The following KAZN variants were observed in gnomAD, a reference collection of about 807,000 sequenced individuals.
The protein encoded by KAZN is kazrin, periplakin interacting protein.
A neutral mutation model predicts 87.4 loss-of-function variants in KAZN; 40 were observed. That is an observed-to-expected ratio of 0.46 (90% confidence interval 0.36 to 0.60). The LOEUF is 0.60. KAZN is among the 20% of genes least tolerant of loss of function. KAZN has a pLI of 0.00. For synonymous variants in KAZN, 466 were observed against 458.3 expected (o/e 1.02, Z -0.22); for missense variants, 898 against 1,073.9 (o/e 0.84, Z 2.29).
chr1:14,199,682 G>A (rs78937074), intron 2 of KAZN, among the ~76,000 whole-genome samples: 1 of 152,190 alleles, frequency 6.6e-6, no homozygotes, highest in African/African-American at 2.4e-5. Context: ...CATTTTACCA[G>A]CATATCAGGA....
At chr1:15,098,177 T>C (rs1573299519) in intron 10 of KAZN, among the ~76,000 whole-genome samples, 2 of 152,288 alleles carry the variant, frequency 1.3e-5, no homozygotes, top group South Asian at 4.1e-4. Flanking sequence ...ACCCAGACAA[T>C]ATCTAAATTT....
chr1:14,269,893 CTCTG>C (rs1231963177), intron 2 of KAZN, among the ~76,000 whole-genome samples: 1 of 152,164 alleles, frequency 6.6e-6, no homozygotes, highest in Non-Finnish European at 1.5e-5. Context: ...TTCATAGTAT[CTCTG>C]TCTGAGTCTG....
At chr1:14,210,400 G>A (rs563003417) in intron 2 of KAZN, among the ~76,000 whole-genome samples, 7 of 152,080 alleles carry the variant, frequency 4.6e-5, no homozygotes, top group East Asian at 3.9e-4. Context: ...ACCCAGTCTC[G>A]GGTATGTCTT....
At chr1:14,403,759 G>GT (rs1449281250) in intron 2 of KAZN, among the ~76,000 whole-genome samples, 2 of 152,192 alleles carry the variant, frequency 1.3e-5, no homozygotes, top group Non-Finnish European at 2.9e-5. Context: ...AAACCTGACA[G>GT]TATCAAGTGT....
Position 14,587,361 on chromosome 1 carries a change from G to T in KAZN, c.250-11622G>T, listed in dbSNP as rs545750673. Among the ~76,000 whole-genome samples the T allele has an allele frequency of 2.9e-4, 44 of 151,750 alleles. No individual in the cohort carries two copies. In the East Asian group the frequency reaches 4.7e-3, roughly 16 times the overall value. ...TGAGGCAGGAAAATTGCTTTAACCC[G>T]GGAGGCAGAGGTTGCAGTGAGCCGA... On this transcript the variant is annotated intron_variant, in intron 2 of 16. Coordinates refer to the KAZN transcript ENST00000636203.
chr1:14,650,362 C>CT (rs1409011234), intron 1 of KAZN, among the ~76,000 whole-genome samples: 1 of 152,126 alleles, frequency 6.6e-6, no homozygotes, highest in African/African-American at 2.4e-5. Flanking sequence ...CAAGACCAGC[C>CT]TGGACAATAT....
chr1:14,553,367 C>T (rs11586235), intron 2 of KAZN, among the ~76,000 whole-genome samples: 150,271 of 152,250 alleles, frequency 0.99, 74,197 homozygotes, highest in Middle Eastern at 1. Context: ...TCAAAAAACA[C>T]ATATATAGAT....
chr1:14,246,496 ATTTT>A (rs1294990439), intron 2 of KAZN, among the ~76,000 whole-genome samples: 1 of 102,450 alleles, frequency 9.8e-6, no homozygotes, highest in Non-Finnish European at 2.6e-5. Flanking sequence ...TAATCTTTTT[ATTTT>A]TTGTTTTGGG....
At chr1:13,909,568 A>G (rs1021708114) in intron 1 of KAZN, among the ~76,000 whole-genome samples, 8 of 152,076 alleles carry the variant, frequency 5.3e-5, no homozygotes, top group Non-Finnish European at 1.2e-4. Context: ...CTGTTCCTAC[A>G]CCCACATTTT....
At chr1:13,977,973 A>G (rs2101066368) in intron 1 of KAZN, among the ~76,000 whole-genome samples, 1 of 152,098 alleles carries the variant, frequency 6.6e-6, no homozygotes, top group East Asian at 1.9e-4. Flanking sequence ...TAAAAATACA[A>G]AAAAATTAGC....
chr1:14,258,898 C>T (rs141504307), intron 2 of KAZN, among the ~76,000 whole-genome samples: 20 of 152,256 alleles, frequency 1.3e-4, no homozygotes, highest in East Asian at 3.9e-4. Context: ...GGTCAACACA[C>T]GTTTATTGCA....
At position 14,514,334 on chromosome 1, in the gene KAZN, A is replaced by ATATATAT. The variant is rs1671090368; in HGVS notation, c.250-84648_250-84642dup. Among the ~76,000 whole-genome samples the ATATATAT allele has an allele frequency of 8.5e-4, 43 of 50,730 alleles. 3 individuals are homozygous for ATATATAT. The highest frequency in any genetic ancestry group is 3.1e-3 in the African/African-American group (42 of 13,748). 33.3% of individuals were successfully genotyped at this position (50,730 alleles called of 152,430 possible). A position where few individuals can be genotyped will look rare whatever the true frequency, so the allele number is the denominator to read the frequency against. ...AGCAAGACTCTGTCTCAAAAAATTTATATATATATTTATATATATTATATA... is the reference window on the plus strand; with the variant it reads ...AGCAAGACTCTGTCTCAAAAAATTTATATATATTATATATATTTATATATATTATATA... On this transcript the variant is annotated intron_variant, in intron 2 of 16. Coordinates refer to the KAZN transcript ENST00000636203.
At chr1:14,251,813 T>G (rs781414888) in intron 2 of KAZN, among the ~76,000 whole-genome samples, 3 of 151,962 alleles carry the variant, frequency 2.0e-5, no homozygotes, top group Admixed American at 2.0e-4. Context: ...CAAGCCCAGC[T>G]AATTTTTGTA....
intron 2 of KAZN, among the ~76,000 whole-genome samples, chr1:14,538,546 G>C (rs1672630502): frequency 6.6e-6 from 1 of 152,164 alleles, no homozygotes; most frequent in Non-Finnish European, 1.5e-5. Flanking sequence ...AAGGTGAGAA[G>C]GACAGCCTCT....
At chr1:14,621,968 G>A (rs1046178812) in intron 1 of KAZN, among the ~76,000 whole-genome samples, 1 of 152,186 alleles carries the variant, frequency 6.6e-6, no homozygotes, top group Non-Finnish European at 1.5e-5. Flanking sequence ...TGTACTTCCG[G>A]CTTGAACAGG....
intron 2 of KAZN, among the ~76,000 whole-genome samples, chr1:14,420,609 G>C (rs1418248148): frequency 1.3e-5 from 2 of 152,210 alleles, no homozygotes; most frequent in Admixed American, 6.5e-5. Flanking sequence ...GAGTGGGGAG[G>C]CTCAGGCATG....
intron 1 of KAZN, among the ~76,000 whole-genome samples, chr1:14,015,968 A>G (rs544993849): frequency 3.3e-5 from 5 of 152,174 alleles, no homozygotes; most frequent in African/African-American, 1.2e-4. Flanking sequence ...AAATACCTCC[A>G]TATGACCAGA....
At chr1:13,959,177 T>C (rs1641661144) in intron 1 of KAZN, among the ~76,000 whole-genome samples, 2 of 152,194 alleles carry the variant, frequency 1.3e-5, no homozygotes, top group African/African-American at 4.8e-5. Flanking sequence ...CCCAGAGAGC[T>C]AGCTAGCGCT....
chr1:13,933,151 T>A (rs1184567736), intron 1 of KAZN, among the ~76,000 whole-genome samples: 2 of 152,184 alleles, frequency 1.3e-5, no homozygotes, highest in Admixed American at 6.5e-5. Flanking sequence ...CCTCTTTTTG[T>A]TTCAGGGTCA....
Sources: gnomAD v4.1 joint callset for allele counts (sites outside exome capture counted in the v4.1 genomes callset) on GRCh38, gnomAD v4.1.1 for gene constraint, MANE v1.5 for transcripts, NCBI Gene and HGNC (gene_info 2026-07-23, HGNC 2026-07-21) for gene names.